Variants in ZFHX3 observed in about 807,000 individuals in gnomAD.
ZFHX3 encodes zinc finger homeobox 3.
Under a neutral mutation model 279.1 loss-of-function variants are expected in ZFHX3, and 42 were observed. The observed-to-expected ratio is 0.15, with a 90% CI of 0.12 to 0.19. The LOEUF (loss-of-function observed/expected upper bound fraction) is 0.19, where lower values mean the gene tolerates loss of function less well. Among genes scored for constraint, ZFHX3 ranks in the 10% least tolerant of loss-of-function variants. The pLI is 1.00. For synonymous variants in ZFHX3, 2,293 were observed against 1,957.8 expected, an observed-to-expected ratio of 1.17 and a Z score of -4.52; for missense variants, 4,981 against 4,754.0, an observed-to-expected ratio of 1.05 and a Z score of -1.40.
At chr16:73,702,317 AGGTGTG>A (rs1433462394) in intron 1 of ZFHX3, among the ~76,000 whole-genome samples, 96 of 152,220 alleles carry the variant, frequency 6.3e-4, no homozygotes, top group African/African-American at 2.2e-3. Flanking sequence ...TGGGGGCTGC[AGGTGTG>A]GGGACATTTG....
intron 8 of ZFHX3, among the ~76,000 whole-genome samples, chr16:73,070,041 A>T: frequency 6.6e-6 from 1 of 152,154 alleles, no homozygotes; most frequent in East Asian, 1.9e-4. Context: ...TTCCCATTTT[A>T]AAGTGCCCCG....
chr16:73,051,396 G>A (rs538169672), upstream of ZFHX3, among the ~76,000 whole-genome samples: 12 of 152,234 alleles, frequency 7.9e-5, no homozygotes, highest in African/African-American at 2.9e-4. Flanking sequence ...GAGCCCTCCT[G>A]GGTATGGAAC....
At chr16:73,873,211 AGTGGG>A (rs2029872561) in intron 1 of ZFHX3, among the ~76,000 whole-genome samples, 2 of 45,068 alleles carry the variant, frequency 4.4e-5, no homozygotes, top group Non-Finnish European at 8.5e-5. Context: ...GGTGGGTGGT[AGTGGG>A]TGGTGGGTGG....
rs138819588 is a variant in ZFHX3 at position 73,073,923 on chromosome 16, A to G, written c.-532-14911T>C. Among the ~76,000 whole-genome samples, 602 of 152,332 alleles carry G rather than the reference A, an allele frequency of 4.0e-3. 4 individuals carry two copies. Among genetic ancestry groups the G allele is most frequent in the African/African-American group, 0.013 (558 of 41,580 alleles). On this transcript the variant is annotated intron_variant, in intron 8 of 17. Coordinates refer to the ZFHX3 transcript ENST00000641206. The stretch of plus-strand genomic sequence containing the variant: ...TCTCAATGTCATTCTCATCATCTCA[A>G]TATCTCATCATTTATGGAGCCACTG...
intron 1 of ZFHX3, among the ~76,000 whole-genome samples, chr16:73,743,179 G>T (rs193025698): frequency 2.0e-5 from 3 of 152,198 alleles, no homozygotes; most frequent in Non-Finnish European, 2.9e-5. Flanking sequence ...TATAATTCAG[G>T]TTGGTTCTTA....
At chr16:73,418,678 G>T (rs1240008731) in intron 3 of ZFHX3, among the ~76,000 whole-genome samples, 1 of 152,160 alleles carries the variant, frequency 6.6e-6, no homozygotes, top group Non-Finnish European at 1.5e-5. Flanking sequence ...TGGGAATGTG[G>T]CTTTGTCCGT....
chr16:72,942,596 T>C (rs761292025), intron 3 of ZFHX3, among the ~76,000 whole-genome samples: 3 of 152,202 alleles, frequency 2.0e-5, no homozygotes, highest in Non-Finnish European at 4.4e-5. Flanking sequence ...ATGGTATACC[T>C]TTGGAATCCA....
At chr16:73,093,609 A>T in intron 7 of ZFHX3, 1 of 508,552 alleles carries the variant, frequency 2.0e-6, no homozygotes, top group Non-Finnish European at 3.9e-6. Context: ...CTGCAAACAG[A>T]CAGCACGGAG....
At position 73,088,204 on chromosome 16, in the gene ZFHX3, G is replaced by A. The variant is rs117402067; in HGVS notation, c.-533+5031C>T. Among the ~76,000 whole-genome samples the A allele has an allele frequency of 4.6e-5, 7 of 151,854 alleles. No homozygotes were observed. In the East Asian group the frequency reaches 9.7e-4, roughly 21 times the overall value. On this transcript the variant is annotated intron_variant, in intron 8 of 17. Coordinates refer to the ZFHX3 transcript ENST00000641206. ...TCTGCCACCCAGGCTGGAGCACAGC[G>A]GAGTGATCATAGCTCACTGCGGCCT...
intron 5 of ZFHX3, among the ~76,000 whole-genome samples, chr16:73,154,696 T>C (rs1967029652): frequency 6.6e-6 from 1 of 151,972 alleles, no homozygotes; most frequent in African/African-American, 2.4e-5. Context: ...AAAATAGAAA[T>C]ATGTTCTGGG....
chr16:73,523,830 C>T (rs982743274), intron 2 of ZFHX3, among the ~76,000 whole-genome samples: 2 of 152,022 alleles, frequency 1.3e-5, no homozygotes, highest in African/African-American at 4.8e-5. Flanking sequence ...ATTCAGACAT[C>T]CACCATTGAA....
chr16:72,959,006 T>C lies in ZFHX3; in HGVS notation c.1140A>G (p.Pro380=). 6.2e-7 allele frequency: 1 copy of C among 1,610,988 alleles called. No individual in the cohort carries two copies. Among genetic ancestry groups the C allele is most frequent in the Non-Finnish European group, 8.5e-7 (1 of 1,178,514 alleles). The change falls in exon 2 of 10, where the codon CCA becomes CCG. Residue 380 remains proline, a synonymous_variant. Coordinates refer to ENST00000268489, the MANE Select transcript of ZFHX3 (RefSeq NM_006885.4). ...GIRMEGEEAL[P]AGSAAGPEQP... ...GCTCGGGGCCAGCGGCGGAGCCCGC[T>C]GGGAGAGCTTCCTCCCCTTCCATTC...
intron 5 of ZFHX3, among the ~76,000 whole-genome samples, chr16:73,230,631 T>A (rs1883888778): frequency 6.6e-6 from 1 of 152,156 alleles, no homozygotes. Flanking sequence ...GATATTCACA[T>A]GTACCTTCAT....
intron 4 of ZFHX3, among the ~76,000 whole-genome samples, chr16:72,878,452 T>G (rs548117476): frequency 2.0e-5 from 3 of 152,200 alleles, no homozygotes; most frequent in Non-Finnish European, 2.9e-5. Context: ...TCTCAATGCT[T>G]CTGAAATGGA....
intron 1 of ZFHX3, among the ~76,000 whole-genome samples, chr16:72,970,938 T>C (rs1253932843): frequency 6.6e-6 from 1 of 152,234 alleles, no homozygotes; most frequent in East Asian, 1.9e-4. Flanking sequence ...GAGTTCATTA[T>C]TTTAAAAATT....
At chr16:73,470,944 A>C (rs1374231207) in intron 2 of ZFHX3, among the ~76,000 whole-genome samples, 1 of 152,234 alleles carries the variant, frequency 6.6e-6, no homozygotes, top group Admixed American at 6.5e-5. Flanking sequence ...CTCAGAAGGC[A>C]AAGAAGTGAA....
In ZFHX3 at chr16:72,796,445, G is replaced by C; in HGVS notation, c.6237C>G (p.Ala2079=). 6.2e-7 allele frequency: 1 copy of C among 1,609,966 alleles called. No homozygotes were observed. Among genetic ancestry groups the C allele is most frequent in the Non-Finnish European group, 8.5e-7 (1 of 1,179,980 alleles). ...GCTGGGTGAGCGGCACTGATGGCTG[G>C]GCCGGTGCAATTGTAGGTGAGGTGA... The part of the protein sequence containing the change: ...PPITSPTIAP[A]QPSVPLTQLS... The change falls in exon 9 of 10, where the codon GCC becomes GCG. Residue 2079 remains alanine (A), a synonymous_variant. Transcript: ENST00000268489.
Position 72,793,983 on chromosome 16 carries a change from C to A in ZFHX3, c.8699G>T (p.Ser2900Ile). The change falls in exon 9 of 10, where the codon AGC becomes ATC. Residue 2900 changes from serine (S) to isoleucine (I), a missense_variant. By Grantham distance (142) the Ser-to-Ile change is moderately radical. Transcript: ENST00000268489. This position sits in a 1 kb window ranked among gnomAD's most constrained non-coding sequence, Gnocchi z 4.3. ...LSSGLVSPAP[S>I]FYSKEYDNEG... The stretch of plus-strand genomic sequence containing the variant: ...ATTGTCATATTCCTTGCTATAAAAG[C>A]TCGGGGCCGGGCTGACCAGACCAGA... 6.2e-7 allele frequency: 1 copy of A among 1,614,218 alleles called. No individual in the cohort carries two copies. Among genetic ancestry groups the A allele is most frequent in the Non-Finnish European group, 8.5e-7 (1 of 1,180,038 alleles).
intron 1 of ZFHX3, among the ~76,000 whole-genome samples, chr16:73,004,502 T>C (rs1334360843): frequency 6.6e-6 from 1 of 151,658 alleles, no homozygotes; most frequent in African/African-American, 2.4e-5. Context: ...CTAGTAGAGA[T>C]GGGGTTTCCC....
Sources: allele counts gnomAD v4.1 joint callset (sites outside exome capture counted in the v4.1 genomes callset), GRCh38; gene constraint gnomAD v4.1.1; non-coding constraint Gnocchi (gnomAD v3.1); transcripts MANE v1.5; gene names NCBI Gene and HGNC (gene_info 2026-07-23, HGNC 2026-07-21).